Variants in ARHGEF6 observed in about 807,000 individuals in gnomAD.
ARHGEF6 encodes the protein Rac/Cdc42 guanine nucleotide exchange factor 6.
Under a neutral mutation model 70.3 loss-of-function variants are expected in ARHGEF6, and 9 were observed. The observed-to-expected ratio is 0.13, with a 90% CI of 0.08 to 0.22. ARHGEF6 has a LOEUF of 0.22. Among genes scored for constraint, ARHGEF6 ranks in the 10% least tolerant of loss-of-function variants. The pLI is 1.00. For missense variants in ARHGEF6, 470 were observed against 563.0 expected, an observed-to-expected ratio of 0.83 and a Z score of 1.67; for synonymous variants, 201 against 207.8, an observed-to-expected ratio of 0.97 and a Z score of 0.28.
At chrX:136,727,428 T>TCTTC (rs1239231452) in intron 6 of ARHGEF6, among the ~76,000 whole-genome samples, 1 of 101,471 alleles carries the variant, frequency 9.9e-6, no homozygotes, top group African/African-American at 3.6e-5. Context: ...TTTCTTTCTT[T>TCTTC]CCTTCTTTCT....
At chrX:136,744,759 C>T (rs988479464) in intron 4 of ARHGEF6, among the ~76,000 whole-genome samples, 5 of 111,814 alleles carry the variant, frequency 4.5e-5, no homozygotes, top group Non-Finnish European at 9.4e-5. Context: ...AATATAGAAG[C>T]TCATCATAGA....
chrX:136,760,412 G>C (rs898588975), intron 2 of ARHGEF6, among the ~76,000 whole-genome samples: 2 of 112,328 alleles, frequency 1.8e-5, no homozygotes, highest in Non-Finnish European at 3.8e-5. Context: ...GGAATAGCTG[G>C]CCAAGATTGT....
chrX:136,774,900 G>T (rs2077391930), intron 2 of ARHGEF6, among the ~76,000 whole-genome samples: 1 of 109,968 alleles, frequency 9.1e-6, no homozygotes, highest in African/African-American at 3.3e-5. Context: ...TTAGGCAATA[G>T]GGGAAAATGG....
chrX:136,713,160 T>C, intron 7 of ARHGEF6, 116 bp downstream of exon 7: 1 of 616,186 alleles, frequency 1.6e-6, no homozygotes, highest in East Asian at 3.3e-5. Flanking sequence ...CAACCTGTGA[T>C]CTGTGGAAAT....
intron 9 of ARHGEF6, among the ~76,000 whole-genome samples, chrX:136,693,422 T>C (rs2076478059): frequency 8.9e-6 from 1 of 112,095 alleles, no homozygotes; most frequent in South Asian, 3.7e-4. Context: ...ATAAACATAA[T>C]ACACAAATTA....
chrX:136,758,428 A>T (rs2077233493), intron 2 of ARHGEF6, among the ~76,000 whole-genome samples: 1 of 110,784 alleles, frequency 9.0e-6, no homozygotes, highest in Non-Finnish European at 1.9e-5. Flanking sequence ...AAAGAAATGA[A>T]GTTACTGCCT....
At chrX:136,707,468 T>G (rs1480009741) in intron 8 of ARHGEF6, among the ~76,000 whole-genome samples, 1 of 112,259 alleles carries the variant, frequency 8.9e-6, no homozygotes, top group African/African-American at 3.2e-5. Flanking sequence ...TTTAAATTAA[T>G]GTTTTAAATT....
At chrX:136,696,727 CAGTA>C (rs1369353757) in intron 9 of ARHGEF6, among the ~76,000 whole-genome samples, 1 of 111,306 alleles carries the variant, frequency 9.0e-6, no homozygotes. Context: ...TACTAAAACT[CAGTA>C]AGAACAGGGA....
rs2076158670 is a variant in ARHGEF6 at position 136,666,016 on chromosome X, C to T, written c.*2013G>A. ...ACATTTATTGCAAGCCATTGACTAA[C>T]CACAGAATGGGCAGATGTGAAGATC... On this transcript the variant is annotated 3_prime_UTR_variant, in exon 22 of 22. Transcript: ENST00000250617. 1.8e-5 allele frequency: 2 copies of T among 112,788 alleles called. No homozygotes were observed. 9.3% of individuals were successfully genotyped at this position (112,788 alleles called of 1,213,427 possible). A position where few individuals can be genotyped will look rare whatever the true frequency, so the allele number is the denominator to read the frequency against.
chrX:136,669,318 G>C (rs1042415905), intron 21 of ARHGEF6, among the ~76,000 whole-genome samples, 164 bp downstream of exon 21: 2 of 111,520 alleles, frequency 1.8e-5, no homozygotes, highest in African/African-American at 6.5e-5. Context: ...TTAAATTCAA[G>C]GCTTACATGA....
In ARHGEF6 at chrX:136,686,183, T is replaced by C. The variant is rs1041849689; in HGVS notation, c.1246-360A>G. ...TGGTAGATTCAGATCTACTGGTTGG[T>C]GCCCCTGCTTTAGCTCCTCTTACCT... On this transcript the variant is annotated intron_variant, in intron 11 of 21. Transcript: ENST00000250617. Among the ~76,000 whole-genome samples the C allele has an allele frequency of 2.7e-5, 3 of 112,507 alleles. No individual in the cohort carries two copies. In the Admixed American group the frequency reaches 2.8e-4, roughly 11 times the overall value.
intron 2 of ARHGEF6, among the ~76,000 whole-genome samples, chrX:136,777,651 A>G (rs1181294965): frequency 9.0e-6 from 1 of 111,057 alleles, no homozygotes. Context: ...GCACACACAT[A>G]TTTATAGTAG....
intron 2 of ARHGEF6, among the ~76,000 whole-genome samples, chrX:136,762,653 G>A (rs766201092): frequency 1.8e-5 from 2 of 110,943 alleles, no homozygotes; most frequent in African/African-American, 3.3e-5. Flanking sequence ...CACGATGCCT[G>A]GCTAATTTTT....
chrX:136,732,090 C>T lies in ARHGEF6; in HGVS notation c.732+12G>A, dbSNP rs1254579984. Reference sequence around the variant, plus strand: ...AGTCAAGAAAATTTTTATTCATCATCTGAACACTTACCACAGTATAATAAT... The same window carrying T: ...AGTCAAGAAAATTTTTATTCATCATTTGAACACTTACCACAGTATAATAAT... On this transcript the variant is annotated intron_variant, in intron 6 of 21. Transcript: ENST00000250617. 1 of 1,192,698 alleles carries T rather than the reference C, an allele frequency of 8.4e-7. No individual in the cohort carries two copies. Among genetic ancestry groups the T allele is most frequent in the Admixed American group, 2.2e-5 (1 of 45,518 alleles).
chrX:136,733,572 A>G (rs1490318631), intron 5 of ARHGEF6, among the ~76,000 whole-genome samples: 2 of 112,046 alleles, frequency 1.8e-5, no homozygotes, highest in Non-Finnish European at 3.8e-5. Flanking sequence ...CTTCTATTAC[A>G]ATATTATTTT....
chrX:136,682,724 G>A (rs747684789), intron 13 of ARHGEF6, 34 bp downstream of exon 13: 2 of 1,110,123 alleles, frequency 1.8e-6, no homozygotes, highest in South Asian at 1.8e-5. Flanking sequence ...TTCGTTAGGG[G>A]GTCTGCTATG....
chrX:136,719,842 T>C (rs1470913426), intron 6 of ARHGEF6, among the ~76,000 whole-genome samples: 1 of 111,649 alleles, frequency 9.0e-6, no homozygotes, highest in Non-Finnish European at 1.9e-5. Flanking sequence ...ATTAAAATAA[T>C]GTTAAAGGAA....
intron 2 of ARHGEF6, among the ~76,000 whole-genome samples, chrX:136,764,111 A>G (rs1195102025): frequency 9.0e-6 from 1 of 110,765 alleles, no homozygotes; most frequent in Non-Finnish European, 1.9e-5. Flanking sequence ...AACGCTGGAT[A>G]AACCAGGGAA....
chrX:136,700,248 G>A lies in ARHGEF6; in HGVS notation c.1046+6660C>T, dbSNP rs2076555693. ...CTTAAGAAACCCAAAGATAGGCAGG[G>A]CGCGGTGGCTCAGGCCTGCAATCTC... On this transcript the variant is annotated intron_variant, in intron 9 of 21. Transcript: ENST00000250617. 2.7e-5 allele frequency among the ~76,000 whole-genome samples: 3 copies of A among 111,538 alleles called. No individual in the cohort carries two copies. The South Asian group carries it at 1.1e-3, about 42-fold the overall frequency.
Sources: gnomAD v4.1 joint callset for allele counts (sites outside exome capture counted in the v4.1 genomes callset) on GRCh38, gnomAD v4.1.1 for gene constraint, MANE v1.5 for transcripts, NCBI Gene and HGNC (gene_info 2026-07-23, HGNC 2026-07-21) for gene names.